Variants in FER1L6 observed in about 807,000 individuals in gnomAD.
The protein encoded by FER1L6 is fer-1-like protein 6.
FER1L6 carries 177 observed loss-of-function variants against 219.2 expected under a neutral mutation model. The observed-to-expected ratio is 0.81, with a 90% CI of 0.71 to 0.91. The LOEUF (loss-of-function observed/expected upper bound fraction) is 0.91, where lower values mean the gene tolerates loss of function less well. Among genes scored for constraint, FER1L6 ranks in the 40% least tolerant of loss-of-function variants. The pLI, the probability that FER1L6 is intolerant of heterozygous loss-of-function variation, is 0.00. For missense variants in FER1L6, 2,153 were observed against 2,259.9 expected, an observed-to-expected ratio of 0.95 and a Z score of 0.96; for synonymous variants, 768 against 824.3, an observed-to-expected ratio of 0.93 and a Z score of 1.17.
At chr8:124,091,321 G>A (rs1163785389) in intron 33 of FER1L6, 102 bp from the exon 34 acceptor site, 3 of 930,502 alleles carry the variant, frequency 3.2e-6, no homozygotes, top group Non-Finnish European at 3.2e-6. Flanking sequence ...CCTAACCCCA[G>A]ATACACAGAA....
chr8:123,909,857 G>A (rs1406738028), intron 1 of FER1L6, among the ~76,000 whole-genome samples: 1 of 152,094 alleles, frequency 6.6e-6, no homozygotes, highest in Non-Finnish European at 1.5e-5. Context: ...TCACCATAAA[G>A]GACTGTGTCT....
chr8:123,953,704 A>G lies in FER1L6; in HGVS notation c.-7-2288A>G, dbSNP rs558928566. Among the ~76,000 whole-genome samples, 3 of 152,214 alleles carry G rather than the reference A, an allele frequency of 2.0e-5. No homozygotes were observed. In the East Asian group the frequency reaches 5.8e-4, roughly 29 times the overall value. ...TGTCTTTTATTATTAGCAACTCCCT[A>G]TTTATGGATGGAAGTCATTTAGTTG... On this transcript the variant is annotated intron_variant, in intron 1 of 40. Coordinates refer to ENST00000522917, the MANE Select transcript of FER1L6 (RefSeq NM_001039112.2).
At chr8:124,028,371 A>C (rs1169482416) in intron 18 of FER1L6, among the ~76,000 whole-genome samples, 1 of 151,942 alleles carries the variant, frequency 6.6e-6, no homozygotes, top group African/African-American at 2.4e-5. Flanking sequence ...TTTGATTTTC[A>C]CTCCTGACTT....
intron 1 of FER1L6, among the ~76,000 whole-genome samples, chr8:123,923,688 A>AT (rs1157003783): frequency 6.6e-6 from 1 of 152,094 alleles, no homozygotes; most frequent in Non-Finnish European, 1.5e-5. Flanking sequence ...GCGTTATTTT[A>AT]TTTAATCCTC....
intron 1 of FER1L6, among the ~76,000 whole-genome samples, chr8:123,920,278 G>A (rs540650276): frequency 5.3e-5 from 8 of 152,320 alleles, no homozygotes; most frequent in Non-Finnish European, 1.2e-4. Flanking sequence ...TCAAGTGGAT[G>A]GGAAACGAAG....
rs1331815207 is a variant in FER1L6, at chr8:123,991,275, T to C, written c.1519+5099T>C. 3.9e-5 allele frequency among the ~76,000 whole-genome samples: 6 copies of C among 152,340 alleles called. No homozygotes were observed. The East Asian group carries it at 5.8e-4, about 15-fold the overall frequency. On this transcript the variant is annotated intron_variant, in intron 12 of 40. Transcript: ENST00000522917. ...TGTTGGTATTTTGATAGGAACTGCA[T>C]TGAATTTGTAGATTGCTTTGAGAAG...
chr8:123,853,833 G>T lies in FER1L6; in HGVS notation c.-8+1648G>T, dbSNP rs1355605470. 1.3e-5 allele frequency among the ~76,000 whole-genome samples: 2 copies of T among 152,200 alleles called. No individual in the cohort carries two copies. The highest frequency in any genetic ancestry group is 4.8e-5 in the African/African-American group (2 of 41,446). ...GAAGGAACAACATCGCGGCCTTGAT[G>T]AAGCCACAGTGATGCTACCCAGGGA... On this transcript the variant is annotated intron_variant, in intron 1 of 40. Coordinates refer to ENST00000522917, the MANE Select transcript of FER1L6 (RefSeq NM_001039112.2). The surrounding 1 kb of genome is among the most constrained non-coding windows in gnomAD (Gnocchi z 6.6).
At chr8:123,987,339 A>G (rs994540407) in intron 12 of FER1L6, among the ~76,000 whole-genome samples, 1 of 152,044 alleles carries the variant, frequency 6.6e-6, no homozygotes, top group Non-Finnish European at 1.5e-5. Context: ...GGCTATTCAG[A>G]TCTTTCACCT....
chr8:124,097,882 G>T lies in FER1L6; in HGVS notation c.4882G>T (p.Gly1628Trp), dbSNP rs750420981. 9.8e-6 allele frequency: 15 copies of T among 1,524,150 alleles called. No homozygotes were observed. Among genetic ancestry groups the T allele is most frequent in the Non-Finnish European group, 7.3e-6 (8 of 1,098,428 alleles). The allele number at this position is 1,524,150 out of a possible 1,614,324, so 94.4% of individuals were successfully genotyped here. The change falls in exon 37 of 41, where the codon GGG becomes TGG. Residue 1628 changes from glycine (G) to tryptophan (W), a missense_variant and splice_region_variant. By Grantham distance (184) the Gly-to-Trp change is radical. Coordinates refer to ENST00000522917, the MANE Select transcript of FER1L6 (RefSeq NM_001039112.2). ...GQKSSDIYVK[G>W]WLKGLEDDKQ... is the part of the protein sequence containing the mutation. The stretch of plus-strand genomic sequence containing the variant: ...AAAATCAAGTGATATTTATGTGAAA[G>T]GGTAAGGTTATCAACAAACTCCAAC...
intron 8 of FER1L6, 116 bp downstream of exon 8, chr8:123,975,422 G>A: frequency 1.0e-6 from 1 of 991,474 alleles, no homozygotes; most frequent in Non-Finnish European, 1.5e-6. Flanking sequence ...TTCTCAGCTT[G>A]GTCACCTGGC....
At chr8:124,099,705 T>C (rs931109464) in intron 37 of FER1L6, among the ~76,000 whole-genome samples, 1 of 152,192 alleles carries the variant, frequency 6.6e-6, no homozygotes, top group African/African-American at 2.4e-5. Context: ...AACCCTTCAA[T>C]GACATCTCAT....
chr8:124,102,208 C>T lies in FER1L6; in HGVS notation c.5125+870C>T, dbSNP rs931698071. On this transcript the variant is annotated intron_variant, in intron 38 of 40. Coordinates refer to ENST00000522917, the MANE Select transcript of FER1L6 (RefSeq NM_001039112.2). ...ATCAATGGCCTGAACTAGCTTTTCA[C>T]GTTAATTTTAGAATGCCTTTGGTGG... Among the ~76,000 whole-genome samples, 5 of 152,124 alleles carry T rather than the reference C, an allele frequency of 3.3e-5. No homozygotes were observed. In the South Asian group the frequency reaches 1.0e-3, roughly 32 times the overall value.
At chr8:123,991,987 T>C (rs1273176495) in intron 12 of FER1L6, among the ~76,000 whole-genome samples, 1 of 152,114 alleles carries the variant, frequency 6.6e-6, no homozygotes, top group Non-Finnish European at 1.5e-5. Context: ...TTCTGTTTAT[T>C]TGATGTATCA....
At chr8:123,991,075 G>A (rs1816834811) in intron 12 of FER1L6, among the ~76,000 whole-genome samples, 1 of 152,126 alleles carries the variant, frequency 6.6e-6, no homozygotes, top group Non-Finnish European at 1.5e-5. Context: ...CTATGTATCT[G>A]CTTTTATACC....
intron 39 of FER1L6, among the ~76,000 whole-genome samples, chr8:124,113,712 C>T (rs1823112399): frequency 6.6e-6 from 1 of 152,160 alleles, no homozygotes. Flanking sequence ...TGAGACTAGG[C>T]TTGCTTTATC....
chr8:123,924,669 G>A (rs545943463), intron 1 of FER1L6: 11 of 152,254 alleles, frequency 7.2e-5, no homozygotes, highest in African/African-American at 2.2e-4. Context: ...GGCATCCATC[G>A]TATATAATAC....
chr8:123,887,839 C>G lies in FER1L6; in HGVS notation c.-8+35654C>G, dbSNP rs141547090. On this transcript the variant is annotated intron_variant, in intron 1 of 40. Coordinates refer to ENST00000522917, the MANE Select transcript of FER1L6 (RefSeq NM_001039112.2). The stretch of plus-strand genomic sequence containing the variant: ...TCTGTGTAAGTCATATGTATTTTTT[C>G]CTGTTTCTCTGTCTTTGTGCAGATC... 4.0e-3 allele frequency among the ~76,000 whole-genome samples: 607 copies of G among 152,170 alleles called. 3 individuals carry two copies. Among genetic ancestry groups the G allele is most frequent in the African/African-American group, 0.014 (567 of 41,520 alleles).
chr8:124,102,256 G>T (rs1376336286), intron 38 of FER1L6, among the ~76,000 whole-genome samples: 2 of 152,144 alleles, frequency 1.3e-5, no homozygotes, highest in Non-Finnish European at 2.9e-5. Flanking sequence ...TATTCAGATG[G>T]TTGGGGGGCT....
Position 124,017,737 on chromosome 8 carries a change from A to G in FER1L6, c.2013+19A>G. The G allele has an allele frequency of 6.3e-7, 1 of 1,597,030 alleles. No homozygotes were observed. The highest frequency in any genetic ancestry group is 8.6e-7 in the Non-Finnish European group (1 of 1,165,406). On this transcript the variant is annotated intron_variant, in intron 16 of 40. Transcript: ENST00000522917. ...GGAGCTGGTATGTGAAAATCTATTTATACTTTGTGGACAGAGTTAAAAATA... is the reference window on the plus strand; with the variant it reads ...GGAGCTGGTATGTGAAAATCTATTTGTACTTTGTGGACAGAGTTAAAAATA...
Sources: gnomAD v4.1 joint callset for allele counts (sites outside exome capture counted in the v4.1 genomes callset) on GRCh38, gnomAD v4.1.1 for gene constraint, Gnocchi (gnomAD v3.1) non-coding constraint, MANE v1.5 for transcripts, NCBI Gene and HGNC (gene_info 2026-07-23, HGNC 2026-07-21) for gene names.